SIPA1L2: variants seen among roughly 807,000 people sequenced by gnomAD.
SIPA1L2 encodes signal-induced proliferation-associated 1-like protein 2.
A neutral mutation model predicts 163.9 loss-of-function variants in SIPA1L2; 56 were observed. That is an observed-to-expected ratio of 0.34 (90% CI 0.28 to 0.43). The LOEUF is 0.43. Ranked by LOEUF, SIPA1L2 falls within the 20% of genes least tolerant of loss-of-function variation. The pLI is 1.00. For synonymous variants in SIPA1L2, 877 were observed against 865.7 expected, an observed-to-expected ratio of 1.01 and a Z score of -0.23; for missense variants, 1,974 against 2,193.5, an observed-to-expected ratio of 0.90 and a Z score of 2.00.
chr1:232,573,320 T>C (rs1172416208), intron 2 of SIPA1L2, among the ~76,000 whole-genome samples: 1 of 152,216 alleles, frequency 6.6e-6, no homozygotes, highest in Non-Finnish European at 1.5e-5. Context: ...CGATATTAGC[T>C]ATCTGAAGTT....
chr1:232,416,853 T>C (rs1470790412), intron 18 of SIPA1L2, among the ~76,000 whole-genome samples: 1 of 152,218 alleles, frequency 6.6e-6, no homozygotes, highest in Non-Finnish European at 1.5e-5. Context: ...AATGGACCTT[T>C]TCCATTTCTT....
At chr1:232,406,497 C>A (rs1036853499) in intron 19 of SIPA1L2, among the ~76,000 whole-genome samples, 2 of 152,242 alleles carry the variant, frequency 1.3e-5, no homozygotes, top group Non-Finnish European at 2.9e-5. Flanking sequence ...ACAGGCTATT[C>A]CATATCCTAG....
At chr1:232,606,791 A>G (rs530228544) in intron 1 of SIPA1L2, among the ~76,000 whole-genome samples, 6 of 152,040 alleles carry the variant, frequency 3.9e-5, no homozygotes, top group African/African-American at 1.4e-4. Flanking sequence ...AAACTGACAT[A>G]TAAGACCAGC....
chr1:232,606,742 T>C (rs1224925163), intron 1 of SIPA1L2, among the ~76,000 whole-genome samples: 1 of 151,474 alleles, frequency 6.6e-6, no homozygotes, highest in Non-Finnish European at 1.5e-5. Context: ...TAAGTTTAAA[T>C]GAAAGAAAGT....
Position 232,475,433 on chromosome 1 carries a change from T to C in SIPA1L2, c.2086-3905A>G, listed in dbSNP as rs146116483. Among the ~76,000 whole-genome samples the C allele has an allele frequency of 1.2e-3, 190 of 152,348 alleles. 1 individual carries two copies. The highest frequency in any genetic ancestry group is 4.1e-3 in the African/African-American group (169 of 41,584). On this transcript the variant is annotated intron_variant, in intron 7 of 22. Transcript: ENST00000674635. ...CACACATATCCCCTCATATAAACTATACTCAAGAGTTTGCACCAGTAGTTA... is the reference window on the plus strand; with the variant it reads ...CACACATATCCCCTCATATAAACTACACTCAAGAGTTTGCACCAGTAGTTA...
Position 232,441,284 on chromosome 1 carries a change from G to T in SIPA1L2, c.3642+7C>A. On this transcript the variant is annotated splice_region_variant and intron_variant, in intron 14 of 22. Transcript: ENST00000674635. Reference sequence around the variant, plus strand: ...GCCAGTGAAGGGCTTATGAACAAAGGACTTACGTGAGAAAGCTTATTGGGG... The same window carrying T: ...GCCAGTGAAGGGCTTATGAACAAAGTACTTACGTGAGAAAGCTTATTGGGG... 6.3e-7 allele frequency: 1 copy of T among 1,590,294 alleles called. No homozygotes were observed. The highest frequency in any genetic ancestry group is 1.1e-5 in the South Asian group (1 of 87,048).
intron 1 of SIPA1L2, among the ~76,000 whole-genome samples, chr1:232,600,076 C>T (rs1009108366): frequency 1.3e-5 from 2 of 152,192 alleles, no homozygotes; most frequent in African/African-American, 2.4e-5. Flanking sequence ...TGGAGTGGCA[C>T]CCTTGGTCCT....
chr1:232,484,035 A>G, intron 5 of SIPA1L2, 69 bp from the exon 6 acceptor site: 1 of 1,434,126 alleles, frequency 7.0e-7, no homozygotes, highest in Non-Finnish European at 9.5e-7. Flanking sequence ...GTAAAATTAA[A>G]ACTACAGAAG....
intron 2 of SIPA1L2, among the ~76,000 whole-genome samples, chr1:232,550,384 A>G (rs1460977719): frequency 6.6e-6 from 1 of 152,248 alleles, no homozygotes. Context: ...AAACCAATAC[A>G]GAAATTTCAA....
intron 19 of SIPA1L2, among the ~76,000 whole-genome samples, chr1:232,412,155 G>A (rs969070640): frequency 5.9e-5 from 9 of 152,118 alleles, no homozygotes; most frequent in African/African-American, 1.9e-4. Context: ...TCTTAAACTC[G>A]CATCCAATGT....
intron 1 of SIPA1L2, among the ~76,000 whole-genome samples, chr1:232,590,547 C>T (rs1193253046): frequency 1.4e-4 from 21 of 152,184 alleles, no homozygotes; most frequent in Admixed American, 1.4e-3. Context: ...CACAGTGGAC[C>T]TGATGTCACA....
At chr1:232,621,887 A>G (rs894118113) in intron 1 of SIPA1L2, among the ~76,000 whole-genome samples, 2 of 151,914 alleles carry the variant, frequency 1.3e-5, no homozygotes, top group African/African-American at 4.8e-5. Context: ...GCACCACCAC[A>G]CTCGGCTCAT....
At chr1:232,460,570 T>C (rs941795872) in intron 10 of SIPA1L2, among the ~76,000 whole-genome samples, 2 of 152,108 alleles carry the variant, frequency 1.3e-5, no homozygotes, top group African/African-American at 2.4e-5. Flanking sequence ...TATTTCCTCT[T>C]AGATATAAGA....
rs1345008974 is a variant in SIPA1L2, at chr1:232,398,869, G to T, written c.*258C>A. On this transcript the variant is annotated 3_prime_UTR_variant, in exon 23 of 23. Coordinates refer to ENST00000674635, the MANE Select transcript of SIPA1L2 (RefSeq NM_020808.5). ...TTTTAGCAGAGTCTAAAAGAAAAAG[G>T]TCTCAACTGTCGCCAGGGTTTACAT... 2.3e-6 allele frequency: 1 copy of T among 429,532 alleles called. No individual in the cohort carries two copies. Among genetic ancestry groups the T allele is most frequent in the Non-Finnish European group, 4.2e-6 (1 of 237,198 alleles). 26.6% of individuals were successfully genotyped at this position (429,532 alleles called of 1,614,324 possible).
At chr1:232,629,294 A>G (rs1176524512) in intron 1 of SIPA1L2, among the ~76,000 whole-genome samples, 2 of 152,164 alleles carry the variant, frequency 1.3e-5, no homozygotes, top group African/African-American at 4.8e-5. Flanking sequence ...CCTCACTGAC[A>G]CGGGAAGACC....
intron 1 of SIPA1L2, among the ~76,000 whole-genome samples, chr1:232,627,438 G>A (rs189763999): frequency 1.3e-5 from 2 of 152,090 alleles, no homozygotes; most frequent in East Asian, 3.9e-4. Flanking sequence ...CTTTGCCTCA[G>A]GTAAAAAGAT....
intron 14 of SIPA1L2, 68 bp from the exon 15 acceptor site, chr1:232,439,564 CAG>C: frequency 1.3e-6 from 2 of 1,535,630 alleles, no homozygotes; most frequent in South Asian, 2.5e-5. Context: ...CACCCTGACT[CAG>C]GGAGCTACAA....
intron 19 of SIPA1L2, among the ~76,000 whole-genome samples, chr1:232,411,343 A>G (rs1469435737): frequency 2.0e-5 from 3 of 152,142 alleles, no homozygotes; most frequent in African/African-American, 7.2e-5. Context: ...TTCCTATCCT[A>G]GAGGTATCTG....
At chr1:232,621,030 T>C (rs747286334) in intron 1 of SIPA1L2, among the ~76,000 whole-genome samples, 8 of 152,196 alleles carry the variant, frequency 5.3e-5, no homozygotes, top group Admixed American at 3.9e-4. Context: ...TAGCAAAATA[T>C]AAATGCAAAA....
Sources: allele counts gnomAD v4.1 joint callset (sites outside exome capture counted in the v4.1 genomes callset), GRCh38; gene constraint gnomAD v4.1.1; transcripts MANE v1.5; gene names NCBI Gene and HGNC (gene_info 2026-07-23, HGNC 2026-07-21).